Variants in CDH12 observed in about 807,000 individuals in gnomAD.
CDH12 encodes the protein cadherin-12.
Under a neutral mutation model 74.1 loss-of-function variants are expected in CDH12, and 41 were observed. The ratio of observed to expected loss-of-function variants is 0.55; its 90% confidence interval spans 0.43 to 0.72. The LOEUF (loss-of-function observed/expected upper bound fraction) is 0.72. Ranked by LOEUF, CDH12 falls within the 30% of genes least tolerant of loss-of-function variation. CDH12 has a pLI of 0.00. For missense variants in CDH12, 945 were observed against 977.2 expected, an observed-to-expected ratio of 0.97 and a Z score of 0.44; for synonymous variants, 399 against 355.0, an observed-to-expected ratio of 1.12 and a Z score of -1.39.
chr5:21,885,172 C>T (rs982476181), intron 6 of CDH12, among the ~76,000 whole-genome samples: 12 of 151,856 alleles, frequency 7.9e-5, no homozygotes, highest in Admixed American at 7.9e-4. Flanking sequence ...CAGAGATGAG[C>T]CACCGCGCCC....
At chr5:22,185,999 T>C (rs185098993) in intron 4 of CDH12, among the ~76,000 whole-genome samples, 180 of 152,294 alleles carry the variant, frequency 1.2e-3, no homozygotes, top group African/African-American at 4.3e-3. Flanking sequence ...TGAAGAGAAA[T>C]ACTTGAGTCA....
rs369097152 is a variant in CDH12, at chr5:22,334,007, C to T, written c.-333+71250G>A. ...CCTAATTAAAGCCATGTATAACGGA[C>T]CACATGTAGTATCACATTGACTGGG... On this transcript the variant is annotated intron_variant, in intron 3 of 14. Coordinates refer to ENST00000382254, the MANE Select transcript of CDH12 (RefSeq NM_004061.5). Among the ~76,000 whole-genome samples, 36 of 152,226 alleles carry T rather than the reference C, an allele frequency of 2.4e-4. 1 individual carries two copies. The highest frequency in any genetic ancestry group is 7.2e-4 in the African/African-American group (30 of 41,548).
chr5:22,421,264 G>C (rs996445273), intron 2 of CDH12, among the ~76,000 whole-genome samples: 1 of 151,974 alleles, frequency 6.6e-6, no homozygotes, highest in Non-Finnish European at 1.5e-5. Context: ...AGGTATACAC[G>C]TGCCATGGTG....
chr5:21,858,655 G>T (rs1750874634), intron 6 of CDH12, among the ~76,000 whole-genome samples: 1 of 151,904 alleles, frequency 6.6e-6, no homozygotes, highest in African/African-American at 2.4e-5. Context: ...TGTCCAAGGT[G>T]CTAGGGAAAC....
intron 5 of CDH12, among the ~76,000 whole-genome samples, chr5:22,064,740 C>A (rs1485692839): frequency 1.3e-5 from 2 of 152,018 alleles, no homozygotes; most frequent in Non-Finnish European, 2.9e-5. Context: ...AGTGAAGAAA[C>A]AAAAGGATGA....
chr5:22,710,823 A>G (rs1462777865), intron 1 of CDH12, among the ~76,000 whole-genome samples: 2 of 152,134 alleles, frequency 1.3e-5, no homozygotes, highest in Non-Finnish European at 2.9e-5. Flanking sequence ...TCTGCAGCTT[A>G]AAATTATCTG....
At chr5:21,896,885 TA>T (rs1753150635) in intron 6 of CDH12, among the ~76,000 whole-genome samples, 1 of 152,152 alleles carries the variant, frequency 6.6e-6, no homozygotes, top group African/African-American at 2.4e-5. Flanking sequence ...CAAGCACATG[TA>T]AAAAGTCTCA....
intron 3 of CDH12, among the ~76,000 whole-genome samples, chr5:22,296,529 T>C (rs1309387556): frequency 6.6e-6 from 1 of 152,214 alleles, no homozygotes; most frequent in African/African-American, 2.4e-5. Flanking sequence ...CTTTATTTTG[T>C]AATTTACTGC....
intron 4 of CDH12, among the ~76,000 whole-genome samples, chr5:22,096,002 C>A (rs774708105): frequency 2.6e-5 from 4 of 152,056 alleles, no homozygotes; most frequent in Non-Finnish European, 4.4e-5. Context: ...TGCCCCAACC[C>A]CTTTCCTGCT....
chr5:22,206,786 C>G (rs1751246829), intron 4 of CDH12, among the ~76,000 whole-genome samples: 1 of 145,456 alleles, frequency 6.9e-6, no homozygotes, highest in African/African-American at 2.5e-5. Flanking sequence ...TAGTTGATAA[C>G]TTTGTCAAAA....
chr5:21,888,268 A>G (rs1174069593), intron 6 of CDH12, among the ~76,000 whole-genome samples: 1 of 152,184 alleles, frequency 6.6e-6, no homozygotes, highest in Non-Finnish European at 1.5e-5. Flanking sequence ...AGATTATTAA[A>G]GGGTAATTTT....
chr5:22,421,757 C>T (rs1051461927), intron 2 of CDH12, among the ~76,000 whole-genome samples: 1 of 152,166 alleles, frequency 6.6e-6, no homozygotes, highest in Non-Finnish European at 1.5e-5. Flanking sequence ...CTTGAGGAAT[C>T]ACCACACTGT....
chr5:22,255,525 A>G (rs1753281172), intron 3 of CDH12, among the ~76,000 whole-genome samples: 2 of 151,786 alleles, frequency 1.3e-5, no homozygotes, highest in African/African-American at 4.8e-5. Flanking sequence ...ACTATTCAAC[A>G]TAAAATAAAA....
At chr5:22,623,928 C>T (rs1319442336) in intron 1 of CDH12, among the ~76,000 whole-genome samples, 1 of 152,166 alleles carries the variant, frequency 6.6e-6, no homozygotes, top group Non-Finnish European at 1.5e-5. Context: ...TACAAGGCTA[C>T]AGTAAACAAA....
chr5:21,860,263 G>A lies in CDH12; in HGVS notation c.527-5473C>T, dbSNP rs1750975356. ...CACAAGATTTATTGATTTCATATCA[G>A]CATTTAAGTGTTGTTAACTTTATGT... On this transcript the variant is annotated intron_variant, in intron 6 of 14. Transcript: ENST00000382254. Among the ~76,000 whole-genome samples the A allele has an allele frequency of 1.2e-4, 18 of 152,078 alleles. No individual in the cohort carries two copies. The South Asian group carries it at 3.3e-3, about 28-fold the overall frequency.
intron 1 of CDH12, among the ~76,000 whole-genome samples, chr5:22,510,355 T>TA (rs544492488): frequency 2.6e-5 from 4 of 152,068 alleles, no homozygotes; most frequent in South Asian, 4.1e-4. Flanking sequence ...CTATCCGATA[T>TA]AAAAAAATTG....
At chr5:22,218,649 A>C (rs1485675685) in intron 3 of CDH12, among the ~76,000 whole-genome samples, 3 of 151,720 alleles carry the variant, frequency 2.0e-5, no homozygotes, top group African/African-American at 7.2e-5. Context: ...CTTGATTATG[A>C]TGGTGGCTTC....
chr5:21,922,928 GTGTGTA>G (rs1754418120), intron 6 of CDH12, among the ~76,000 whole-genome samples: 1 of 119,442 alleles, frequency 8.4e-6, no homozygotes, highest in South Asian at 2.6e-4. Flanking sequence ...AAAGAAAGAT[GTGTGTA>G]TGTGTATCTA....
At chr5:22,285,941 T>A (rs1737114410) in intron 3 of CDH12, among the ~76,000 whole-genome samples, 1 of 152,106 alleles carries the variant, frequency 6.6e-6, no homozygotes, top group Non-Finnish European at 1.5e-5. Flanking sequence ...ATGTATAAGA[T>A]AAATGCATAT....
Sources: allele counts gnomAD v4.1 joint callset (sites outside exome capture counted in the v4.1 genomes callset), GRCh38; gene constraint gnomAD v4.1.1; transcripts MANE v1.5; gene names NCBI Gene and HGNC (gene_info 2026-07-23, HGNC 2026-07-21).